The following ABCA9 variants were observed in gnomAD, a reference collection of about 807,000 sequenced individuals.
ABCA9 encodes the protein ATP-binding cassette sub-family A member 9.
A neutral mutation model predicts 205.3 loss-of-function variants in ABCA9; 183 were observed. The observed-to-expected ratio is 0.89, with a 90% CI of 0.79 to 1.01. The LOEUF is 1.01. ABCA9 is among the 50% of genes least tolerant of loss of function. The probability of loss-of-function intolerance (pLI) is 0.00; values close to 1 mark genes in which losing one functional copy is unlikely to be tolerated. For missense variants in ABCA9, 1,805 were observed against 1,912.4 expected, an observed-to-expected ratio of 0.94 and a Z score of 1.05; for synonymous variants, 651 against 683.3, an observed-to-expected ratio of 0.95 and a Z score of 0.74.
chr17:69,026,469 T>C lies in ABCA9; in HGVS notation c.2051-2A>G. On this transcript the variant is annotated splice_acceptor_variant, in intron 15 of 38. Transcript: ENST00000340001. LOFTEE classifies it high-confidence loss of function. ...CATTGGATATGAACACCTTCCTGTCTAGTTAGAAATAATCAAAAGATAAGT... is the reference window on the plus strand; with the variant it reads ...CATTGGATATGAACACCTTCCTGTCCAGTTAGAAATAATCAAAAGATAAGT... 1.2e-6 allele frequency: 2 copies of C among 1,609,252 alleles called. No individual in the cohort carries two copies.
chr17:68,988,946 G>A (rs1030996375), intron 31 of ABCA9, 81 bp downstream of exon 31: 4 of 817,074 alleles, frequency 4.9e-6, no homozygotes, highest in Non-Finnish European at 8.1e-6. Context: ...AGTGATTATG[G>A]ATCAACTACA....
the ABCA9 span, among the ~76,000 whole-genome samples, chr17:69,077,754 A>T: frequency 6.6e-6 from 1 of 152,054 alleles, no homozygotes; most frequent in Non-Finnish European, 1.5e-5. Context: ...TATTATGTAC[A>T]ATATGTGAAC....
intron 23 of ABCA9, among the ~76,000 whole-genome samples, chr17:69,008,671 A>C (rs1031371695): frequency 6.6e-6 from 1 of 152,230 alleles, no homozygotes; most frequent in Non-Finnish European, 1.5e-5. Context: ...GGTCTAAGAA[A>C]TGGTCCTCTA....
At chr17:69,057,290 T>C (rs905174669) in intron 1 of ABCA9, among the ~76,000 whole-genome samples, 2 of 152,174 alleles carry the variant, frequency 1.3e-5, no homozygotes, top group African/African-American at 4.8e-5. Context: ...TTGAAATCAA[T>C]ATAGGGATAA....
At chr17:69,070,236 T>C in the ABCA9 span, among the ~76,000 whole-genome samples, 1 of 152,110 alleles carries the variant, frequency 6.6e-6, no homozygotes, top group South Asian at 2.1e-4. Context: ...AAGAAAAAGA[T>C]TAAAGCATAA....
chr17:69,044,709 T>A (rs1598408007), intron 4 of ABCA9, 109 bp from the exon 5 acceptor site: 2 of 895,582 alleles, frequency 2.2e-6, no homozygotes, highest in East Asian at 5.4e-5. Context: ...ATATAGTGGA[T>A]GGTAAGTCTT....
chr17:69,031,621 A>G (rs1249982190), intron 10 of ABCA9, among the ~76,000 whole-genome samples: 2 of 152,148 alleles, frequency 1.3e-5, no homozygotes, highest in East Asian at 1.9e-4. Context: ...AACAGTCCTG[A>G]CTTCTGATGT....
chr17:69,013,859 CTTA>C (rs2070477522), intron 22 of ABCA9, among the ~76,000 whole-genome samples: 11 of 152,176 alleles, frequency 7.2e-5, no homozygotes, highest in Middle Eastern at 6.8e-3. Context: ...GTGGAATAGG[CTTA>C]CAAAATTGTA....
intron 30 of ABCA9, 138 bp from the exon 31 acceptor site, chr17:68,989,256 T>TCACACACACACA (rs71293542): frequency 2.1e-5 from 5 of 242,990 alleles, no homozygotes; most frequent in African/African-American, 7.1e-5. Context: ...TCTCTCTCTC[T>TCACACACACACA]CACACACACA....
At chr17:69,045,081 T>C (rs780034859) in intron 4 of ABCA9, 91 bp downstream of exon 4, 1 of 1,022,082 alleles carries the variant, frequency 9.8e-7, no homozygotes, top group Non-Finnish European at 1.4e-6. Context: ...GTTGTATATG[T>C]TTGTGTAGTT....
At chr17:69,033,699 T>C (rs770498673) in intron 9 of ABCA9, 27 bp downstream of exon 9, 1 of 1,555,126 alleles carries the variant, frequency 6.4e-7, no homozygotes, top group Non-Finnish European at 8.7e-7. Flanking sequence ...TGAAATTGTG[T>C]TAAATTACAG....
At chr17:69,039,233 CAA>C (rs972119133) in intron 6 of ABCA9, among the ~76,000 whole-genome samples, 2 of 151,918 alleles carry the variant, frequency 1.3e-5, no homozygotes, top group Non-Finnish European at 2.9e-5. Context: ...CATATGGAAC[CAA>C]AAAAGAGCCC....
At chr17:69,035,920 G>A (rs2071322016) in intron 6 of ABCA9, 119 bp from the exon 7 acceptor site, 1 of 1,239,670 alleles carries the variant, frequency 8.1e-7, no homozygotes, top group Non-Finnish European at 1.1e-6. Flanking sequence ...AAAAGAAAAT[G>A]CAATAGCTAA....
chr17:69,000,006 A>G (rs546405040), intron 25 of ABCA9, among the ~76,000 whole-genome samples: 2 of 152,164 alleles, frequency 1.3e-5, no homozygotes, highest in East Asian at 3.9e-4. Flanking sequence ...GTTGGAGTTC[A>G]TTGTAGATTC....
chr17:69,044,547 C>T lies in ABCA9; in HGVS notation c.523G>A (p.Glu175Lys). 6.2e-7 allele frequency: 1 copy of T among 1,613,252 alleles called. No individual in the cohort carries two copies. The highest frequency in any genetic ancestry group is 8.5e-7 in the Non-Finnish European group (1 of 1,179,578). ...GCTTGAAAAGCTACAAAGCCTTTCT[C>T]CCAGAACTCTGAACCTTCACACTTC... ...KMKCEGSEFWEKGFVAFQAAI... is the reference protein window; with the variant it reads ...KMKCEGSEFWKKGFVAFQAAI... The change falls in exon 5 of 39, where the codon GAG becomes AAG. Residue 175 changes from glutamate (E) to lysine (K), a missense_variant. Transcript: ENST00000340001.
rs113669731 is a variant in ABCA9, at chr17:68,992,852, CGTGT to C, written c.3624+160_3624+163del. Among the ~76,000 whole-genome samples the C allele has an allele frequency of 3.8e-3, 568 of 148,444 alleles. 4 individuals carry two copies. The highest frequency in any genetic ancestry group is 0.013 in the African/African-American group (542 of 40,292). On this transcript the variant is annotated intron_variant, in intron 27 of 38. Coordinates refer to ENST00000340001, the MANE Select transcript of ABCA9 (RefSeq NM_080283.4). ...GGGGGGGGTCCAGGTTAAAAGCCATCGTGTGTGTGTGTGTGTGCACGCATGCATG... is the reference window on the plus strand; with the variant it reads ...GGGGGGGGTCCAGGTTAAAAGCCATCGTGTGTGTGTGTGCACGCATGCATG...
Position 68,991,352 on chromosome 17 carries a change from G to A in ABCA9, c.3717-395C>T, listed in dbSNP as rs534990773. On this transcript the variant is annotated intron_variant, in intron 28 of 38. Transcript: ENST00000340001. ...GTGAGAGCCATGAGTCCAAAGATTT[G>A]GAATCAAGGATGTGTCCCAGAGAAT... Among the ~76,000 whole-genome samples, 8 of 152,186 alleles carry A rather than the reference G, an allele frequency of 5.3e-5. No homozygotes were observed. The South Asian group carries it at 1.0e-3, about 20-fold the overall frequency.
At chr17:68,985,971 AAAG>A (rs1397305781) in intron 32 of ABCA9, among the ~76,000 whole-genome samples, 190 bp downstream of exon 32, 1 of 152,196 alleles carries the variant, frequency 6.6e-6, no homozygotes, top group East Asian at 1.9e-4. Context: ...AGAAAAAGAA[AAAG>A]AAATCAATAA....
At chr17:69,032,916 C>G (rs1262174992) in intron 9 of ABCA9, 1 of 152,258 alleles carries the variant, frequency 6.6e-6, no homozygotes, top group East Asian at 1.9e-4. Context: ...TTCCCAATTT[C>G]CCTTTCTGCC....
Sources: allele counts gnomAD v4.1 joint callset (sites outside exome capture counted in the v4.1 genomes callset), GRCh38; gene constraint gnomAD v4.1.1; transcripts MANE v1.5; gene names NCBI Gene and HGNC (gene_info 2026-07-23, HGNC 2026-07-21).